KPNB1: variants seen among roughly 807,000 people sequenced by gnomAD.
KPNB1 encodes importin subunit beta-1.
Under a neutral mutation model 113.0 loss-of-function variants are expected in KPNB1, and 7 were observed. The observed-to-expected ratio is 0.06, with a 90% CI of 0.04 to 0.12. KPNB1 has a LOEUF of 0.12. Ranked by LOEUF, KPNB1 falls within the 10% of genes least tolerant of loss-of-function variation. The pLI, the probability that KPNB1 is intolerant of heterozygous loss-of-function variation, is 1.00. For missense variants in KPNB1, 400 were observed against 1,054.8 expected (o/e 0.38, Z 8.60); for synonymous variants, 363 against 378.6 (o/e 0.96, Z 0.48).
chr17:47,681,055 T>TTGTG (rs10602429), intron 21 of KPNB1, among the ~76,000 whole-genome samples: 3 of 147,126 alleles, frequency 2.0e-5, no homozygotes, highest in African/African-American at 5.0e-5. Context: ...AAATGTTTTT[T>TTGTG]TGTGTGTGTG....
chr17:47,660,003 A>G (rs1292715493), intron 5 of KPNB1, among the ~76,000 whole-genome samples: 1 of 152,178 alleles, frequency 6.6e-6, no homozygotes, highest in Non-Finnish European at 1.5e-5. Flanking sequence ...ACCATCTTAA[A>G]TCATTTTTAA....
intron 9 of KPNB1, among the ~76,000 whole-genome samples, chr17:47,666,459 A>ATATATATTTTATATAATGTTATATAT (rs1462338343): frequency 5.0e-5 from 7 of 139,454 alleles, no homozygotes; most frequent in Admixed American, 7.3e-5. Flanking sequence ...ATATTATGTT[A>ATATATATTTTATATAATGTTATATAT]TATATATTTT....
rs1274725168 is a variant in KPNB1, at chr17:47,669,926, G to T, written c.1416+57G>T. 5 of 1,278,462 alleles carry T rather than the reference G, an allele frequency of 3.9e-6. No individual in the cohort carries two copies. In the East Asian group the frequency reaches 1.2e-4, roughly 30 times the overall value. 79.2% of individuals were successfully genotyped at this position (1,278,462 alleles called of 1,614,324 possible). A position where few individuals can be genotyped will look rare whatever the true frequency, so the allele number is the denominator to read the frequency against. On this transcript the variant is annotated intron_variant, in intron 11 of 21. Transcript: ENST00000290158. ...GCTTGCCTGCGCCACTGGCAAGAAA[G>T]TAGAAGGTGTGGGAGAGAAATCAAT...
chr17:47,669,454 A>G (rs913499207), intron 10 of KPNB1, among the ~76,000 whole-genome samples: 5 of 152,200 alleles, frequency 3.3e-5, no homozygotes, highest in African/African-American at 9.7e-5. Flanking sequence ...GCAGACTACT[A>G]AAAGCATTTA....
chr17:47,683,405 A>G lies in KPNB1; in HGVS notation c.*1001A>G, dbSNP rs1219093116. 6.6e-6 allele frequency: 1 copy of G among 152,462 alleles called. No individual in the cohort carries two copies. The highest frequency in any genetic ancestry group is 2.4e-5 in the African/African-American group (1 of 41,416). 9.4% of individuals were successfully genotyped at this position (152,462 alleles called of 1,614,324 possible). On this transcript the variant is annotated 3_prime_UTR_variant, in exon 22 of 22. Transcript: ENST00000290158. Reference sequence around the variant, plus strand: ...AAAACAAAAAAATCACAACCCAAACAAACCAAAATTTAAATGATCAGAATT... The same window carrying G: ...AAAACAAAAAAATCACAACCCAAACGAACCAAAATTTAAATGATCAGAATT...
chr17:47,669,735 G>A lies in KPNB1; in HGVS notation c.1282G>A (p.Ala428Thr), dbSNP rs1325710664. ...CCCCAGTGTAGTTGTTCGAGATACA[G>A]CTGCATGGACTGTAGGCAGAATTTG... ...KDPSVVVRDTAAWTVGRICEL... is the reference protein window; with the variant it reads ...KDPSVVVRDTTAWTVGRICEL... Residue 428 changes from alanine to threonine, a missense_variant, in exon 11 of 22, where the codon GCT becomes ACT. By Grantham distance (58) the Ala-to-Thr change is moderately conservative. Transcript: ENST00000290158. 1.2e-6 allele frequency: 2 copies of A among 1,614,058 alleles called. No homozygotes were observed. Among genetic ancestry groups the A allele is most frequent in the South Asian group, 2.2e-5 (2 of 91,084 alleles).
At chr17:47,676,305 T>C in intron 15 of KPNB1, 104 bp from the exon 16 acceptor site, 1 of 825,362 alleles carries the variant, frequency 1.2e-6, no homozygotes, top group Non-Finnish European at 2.1e-6. Context: ...CCCAACCTGT[T>C]GAGTGGAGCG....
At chr17:47,681,969 A>G (rs2030799803) in intron 21 of KPNB1, among the ~76,000 whole-genome samples, 1 of 151,960 alleles carries the variant, frequency 6.6e-6, no homozygotes, top group Non-Finnish European at 1.5e-5. Flanking sequence ...GGTGGTTGGG[A>G]CTGCAGGCAA....
intron 3 of KPNB1, among the ~76,000 whole-genome samples, chr17:47,653,313 G>T (rs1915631462): frequency 1.7e-5 from 2 of 114,754 alleles, no homozygotes; most frequent in South Asian, 2.7e-4. Context: ...TTGCTCTGTT[G>T]CCCAGGCTGG....
chr17:47,666,425 TTATA>T (rs973164992), intron 9 of KPNB1, among the ~76,000 whole-genome samples: 14 of 144,220 alleles, frequency 9.7e-5, no homozygotes, highest in Admixed American at 8.5e-4. Flanking sequence ...TGTGTGTATT[TTATA>T]TATATATTAT....
At position 47,675,361 on chromosome 17, in the gene KPNB1, G is replaced by GTTTTTGTTTTTTTTTTTTTT. The variant is rs2030568124; in HGVS notation, c.1912+584_1912+585insGTTTTTTTTTTTTTTTTTTT. 2.9e-4 allele frequency among the ~76,000 whole-genome samples: 26 copies of GTTTTTGTTTTTTTTTTTTTT among 88,692 alleles called. No homozygotes were observed. The East Asian group carries it at 3.2e-3, about 11-fold the overall frequency. 58.2% of individuals were successfully genotyped at this position (88,692 alleles called of 152,430 possible). Reference sequence around the variant, plus strand: ...TGCAACGGAGATTGGCAGAGGTGTTGTTTTTTTTTTGTTTTTTTTTTTTGT... The same window carrying GTTTTTGTTTTTTTTTTTTTT: ...TGCAACGGAGATTGGCAGAGGTGTTGTTTTTGTTTTTTTTTTTTTTTTTTTTTTTTGTTTTTTTTTTTTGT... On this transcript the variant is annotated intron_variant, in intron 15 of 21. Transcript: ENST00000290158.
At chr17:47,659,851 T>G (rs79635177) in intron 5 of KPNB1, among the ~76,000 whole-genome samples, 1,829 of 151,860 alleles carry the variant, frequency 0.012, 41 homozygotes, top group African/African-American at 0.043. Flanking sequence ...AGGCTCAAGA[T>G]TTCACCACTG....
At chr17:47,666,765 TGCACCAC>T (rs2030300546) in intron 9 of KPNB1, among the ~76,000 whole-genome samples, 3 of 151,016 alleles carry the variant, frequency 2.0e-5, no homozygotes, top group African/African-American at 7.3e-5. Context: ...ACTACAGGCA[TGCACCAC>T]CACGCCTAGC....
intron 21 of KPNB1, among the ~76,000 whole-genome samples, chr17:47,681,230 C>G (rs1029573272): frequency 1.3e-5 from 2 of 150,002 alleles, no homozygotes; most frequent in South Asian, 4.3e-4. Context: ...CCACCACACC[C>G]GACTAATTTT....
In KPNB1 at chr17:47,649,927, G is replaced by A. The variant is rs566840244; in HGVS notation, c.-318G>A. On this transcript the variant is annotated 5_prime_UTR_variant, in exon 1 of 22. Coordinates refer to ENST00000290158, the MANE Select transcript of KPNB1 (RefSeq NM_002265.6). Reference sequence around the variant, plus strand: ...TTCCTCCCTCCCTCGCTCCCTCCCTGCGCGCCGCCTCTCACTCACAGCCTC... The same window carrying A: ...TTCCTCCCTCCCTCGCTCCCTCCCTACGCGCCGCCTCTCACTCACAGCCTC... The A allele has an allele frequency of 2.1e-5, 27 of 1,272,042 alleles. No individual in the cohort carries two copies. Among genetic ancestry groups the A allele is most frequent in the Non-Finnish European group, 7.9e-6 (8 of 1,009,306 alleles). The allele number at this position is 1,272,042 out of a possible 1,614,324, so 78.8% of individuals were successfully genotyped here. A position where few individuals can be genotyped will look rare whatever the true frequency, so the allele number is the denominator to read the frequency against.
chr17:47,663,034 T>A (rs752618135), intron 6 of KPNB1, 55 bp from the exon 7 acceptor site: 26 of 927,992 alleles, frequency 2.8e-5, no homozygotes, highest in Non-Finnish European at 4.5e-5. Context: ...TGAATCTAAC[T>A]TTGTCAGATT....
chr17:47,670,958 G>A, intron 12 of KPNB1, 126 bp downstream of exon 12: 2 of 895,926 alleles, frequency 2.2e-6, no homozygotes, highest in East Asian at 2.6e-5. Flanking sequence ...CTTCTCTAGA[G>A]GAATTAAAAG....
In KPNB1 at chr17:47,673,464, A is replaced by T. The variant is rs1256624132; in HGVS notation, c.1696-26A>T. The T allele has an allele frequency of 1.9e-6, 3 of 1,577,146 alleles. No individual in the cohort carries two copies. In the African/African-American group the frequency reaches 4.0e-5, roughly 21 times the overall value. ...GCAAAAGTGGAAGGTTTTCATGTAGAGTATGTTTTCTTATTTTCTTTGTAG... is the reference window on the plus strand; with the variant it reads ...GCAAAAGTGGAAGGTTTTCATGTAGTGTATGTTTTCTTATTTTCTTTGTAG... On this transcript the variant is annotated intron_variant, in intron 13 of 21. Transcript: ENST00000290158.
At chr17:47,668,474 T>C (rs2030356426) in intron 10 of KPNB1, 64 bp downstream of exon 10, 1 of 1,334,662 alleles carries the variant, frequency 7.5e-7, no homozygotes, top group Non-Finnish European at 1.1e-6. Flanking sequence ...AAAGCATATC[T>C]TTATTTTTCA....
Sources: gnomAD v4.1 joint callset for allele counts (sites outside exome capture counted in the v4.1 genomes callset) on GRCh38, gnomAD v4.1.1 for gene constraint, MANE v1.5 for transcripts, NCBI Gene and HGNC (gene_info 2026-07-23, HGNC 2026-07-21) for gene names.